MVB12B: variants seen among roughly 807,000 people sequenced by gnomAD.
MVB12B encodes ESCRT-I complex subunit MVB12B.
Under a neutral mutation model 41.6 loss-of-function variants are expected in MVB12B, and 16 were observed. The ratio of observed to expected loss-of-function variants is 0.38; its 90% CI spans 0.26 to 0.58. The LOEUF is 0.58. Among genes scored for constraint, MVB12B ranks in the 20% least tolerant of loss-of-function variants. MVB12B has a pLI of 0.62. For synonymous variants in MVB12B, 133 were observed against 139.7 expected (o/e 0.95, Z 0.34); for missense variants, 274 against 380.2 (o/e 0.72, Z 2.32).
Position 126,412,415 on chromosome 9 carries a change from T to G in MVB12B, c.663-9439T>G, listed in dbSNP as rs567633380. ...CATATTTCTTCTGCTGCCCCCACAA[T>G]CCATTCCTCTCCTTTGTACATGACC... On this transcript the variant is annotated intron_variant, in intron 6 of 9. Transcript: ENST00000361171. Among the ~76,000 whole-genome samples, 42 of 152,244 alleles carry G rather than the reference T, an allele frequency of 2.8e-4. 1 individual carries two copies. Among genetic ancestry groups the G allele is most frequent in the African/African-American group, 9.9e-4 (41 of 41,534 alleles).
At chr9:126,345,695 C>T (rs562450038) in intron 2 of MVB12B, among the ~76,000 whole-genome samples, 1 of 152,344 alleles carries the variant, frequency 6.6e-6, no homozygotes, top group South Asian at 2.1e-4. Flanking sequence ...CTTCCTTCTG[C>T]TCATCCTTTC....
intron 2 of MVB12B, among the ~76,000 whole-genome samples, chr9:126,378,757 C>A (rs1204113170): frequency 6.6e-6 from 1 of 152,128 alleles, no homozygotes; most frequent in Non-Finnish European, 1.5e-5. Context: ...GGTCTTTGGT[C>A]ATCCTTTTTT....
intron 2 of MVB12B, among the ~76,000 whole-genome samples, chr9:126,371,925 A>G (rs1588116005): frequency 6.6e-6 from 1 of 152,324 alleles, no homozygotes; most frequent in East Asian, 1.9e-4. Context: ...AGAGTGTACA[A>G]TCCATTGGTT....
At chr9:126,330,630 T>C (rs1829104069) in intron 1 of MVB12B, among the ~76,000 whole-genome samples, 1 of 152,172 alleles carries the variant, frequency 6.6e-6, no homozygotes, top group African/African-American at 2.4e-5. Context: ...TAACATAAAA[T>C]TGACCATCCT....
intron 7 of MVB12B, among the ~76,000 whole-genome samples, chr9:126,471,107 A>G (rs1349997795): frequency 3.9e-5 from 6 of 152,178 alleles, no homozygotes; most frequent in Non-Finnish European, 5.9e-5. Flanking sequence ...AACTAGTTAG[A>G]AGTGGGGCCT....
chr9:126,412,107 T>C (rs1457375749), intron 6 of MVB12B, among the ~76,000 whole-genome samples: 1 of 152,228 alleles, frequency 6.6e-6, no homozygotes, highest in Non-Finnish European at 1.5e-5. Context: ...TTGACCAGCC[T>C]TGGAGAGCGG....
chr9:126,392,283 T>C lies in MVB12B; in HGVS notation c.539+88T>C, dbSNP rs948926181. On this transcript the variant is annotated intron_variant, in intron 5 of 9. Coordinates refer to ENST00000361171, the MANE Select transcript of MVB12B (RefSeq NM_033446.3). This position sits in a 1 kb window ranked among gnomAD's most constrained non-coding sequence, Gnocchi z 4.8. ...GGCAATGAGGTCCAAGAGATTTCCA[T>C]GCAGCCCCCCAGGCTCTCAGCCATG... is the stretch of plus-strand genomic sequence containing the variant. The C allele has an allele frequency of 1.3e-6, 2 of 1,497,080 alleles. No homozygotes were observed. Among genetic ancestry groups the C allele is most frequent in the African/African-American group, 2.8e-5 (2 of 72,296 alleles). The allele number at this position is 1,497,080 out of a possible 1,614,324, so 92.7% of individuals were successfully genotyped here. A position where few individuals can be genotyped will look rare whatever the true frequency, so the allele number is the denominator to read the frequency against.
chr9:126,364,114 T>C (rs1830099442), intron 2 of MVB12B, among the ~76,000 whole-genome samples: 1 of 152,188 alleles, frequency 6.6e-6, no homozygotes, highest in South Asian at 2.1e-4. Flanking sequence ...GGCCTTCTTG[T>C]GTCTGGGATA....
At chr9:126,356,843 T>C (rs1265283634) in intron 2 of MVB12B, among the ~76,000 whole-genome samples, 1 of 152,054 alleles carries the variant, frequency 6.6e-6, no homozygotes, top group Non-Finnish European at 1.5e-5. Flanking sequence ...CCATGTCACA[T>C]GCCTGCTCCC....
chr9:126,475,935 T>G (rs892234726), intron 7 of MVB12B, among the ~76,000 whole-genome samples: 64 of 152,296 alleles, frequency 4.2e-4, no homozygotes, highest in African/African-American at 1.4e-3. Flanking sequence ...TCGTGAACTC[T>G]CAGACGGTGG....
rs150008427 is a variant in MVB12B at position 126,497,689 on chromosome 9, G to A, written c.874-5488G>A. 3.0e-4 allele frequency among the ~76,000 whole-genome samples: 45 copies of A among 150,650 alleles called. 1 individual carries two copies. Among genetic ancestry groups the A allele is most frequent in the African/African-American group, 1.1e-3 (44 of 40,020 alleles). ...CCCTACCCCCAAGGCCCACCTGCTCGTGAACAGCCTTCCTCCTAGTGAAGC... is the reference window on the plus strand; with the variant it reads ...CCCTACCCCCAAGGCCCACCTGCTCATGAACAGCCTTCCTCCTAGTGAAGC... On this transcript the variant is annotated intron_variant, in intron 9 of 9. Transcript: ENST00000361171.
intron 9 of MVB12B, among the ~76,000 whole-genome samples, chr9:126,495,144 A>G (rs1833803715): frequency 6.6e-6 from 1 of 150,864 alleles, no homozygotes; most frequent in Admixed American, 6.6e-5. Context: ...GTAAGCTGAG[A>G]TCGAGCCACT....
Position 126,376,608 on chromosome 9 carries a change from C to T in MVB12B, c.205-4456C>T, listed in dbSNP as rs995331926. 7.0e-6 allele frequency: 9 copies of T among 1,289,148 alleles called. No homozygotes were observed. The highest frequency in any genetic ancestry group is 3.7e-5 in the South Asian group (3 of 81,012). 79.9% of individuals were successfully genotyped at this position (1,289,148 alleles called of 1,614,324 possible). A position where few individuals can be genotyped will look rare whatever the true frequency, so the allele number is the denominator to read the frequency against. On this transcript the variant is annotated intron_variant, in intron 2 of 9. Transcript: ENST00000361171. This position sits in a 1 kb window ranked among gnomAD's most constrained non-coding sequence, Gnocchi z 4.1. ...CTCAGTGTCCAGTGTTCAGGGGAGGCGGCTGGAAGCAAGAAGGAGGGTAAG... is the reference window on the plus strand; with the variant it reads ...CTCAGTGTCCAGTGTTCAGGGGAGGTGGCTGGAAGCAAGAAGGAGGGTAAG...
chr9:126,400,665 C>A (rs558611352), intron 6 of MVB12B, among the ~76,000 whole-genome samples: 73 of 152,302 alleles, frequency 4.8e-4, no homozygotes, highest in African/African-American at 1.5e-3. Context: ...AAGCCGTCGT[C>A]GATGCTGCTT....
chr9:126,328,726 G>T (rs1829048486), intron 1 of MVB12B, among the ~76,000 whole-genome samples: 1 of 152,168 alleles, frequency 6.6e-6, no homozygotes, highest in Non-Finnish European at 1.5e-5. Flanking sequence ...GTTAACGGAT[G>T]AATGAGAGGA....
At chr9:126,355,161 T>C (rs1006917574) in intron 2 of MVB12B, among the ~76,000 whole-genome samples, 2 of 152,202 alleles carry the variant, frequency 1.3e-5, no homozygotes, top group African/African-American at 4.8e-5. Context: ...TTCTTTTTCC[T>C]TAATATAGGG....
intron 2 of MVB12B, among the ~76,000 whole-genome samples, chr9:126,347,714 A>C (rs1829637554): frequency 6.6e-6 from 1 of 152,258 alleles, no homozygotes; most frequent in Non-Finnish European, 1.5e-5. Flanking sequence ...ATTTTTATAT[A>C]GTGCTCAAGG....
At chr9:126,397,203 G>C (rs894178224) in intron 6 of MVB12B, 1 of 985,390 alleles carries the variant, frequency 1.0e-6, no homozygotes, top group African/African-American at 1.7e-5. Context: ...ATGTGGTCTA[G>C]AAGGGCCCAG....
intron 7 of MVB12B, among the ~76,000 whole-genome samples, chr9:126,457,183 A>G (rs1833000926): frequency 1.3e-5 from 2 of 151,796 alleles, no homozygotes; most frequent in Non-Finnish European, 2.9e-5. Flanking sequence ...CCTTACCCAC[A>G]CTGCGGCCAA....
Sources: allele counts gnomAD v4.1 joint callset (sites outside exome capture counted in the v4.1 genomes callset), GRCh38; gene constraint gnomAD v4.1.1; non-coding constraint Gnocchi (gnomAD v3.1); transcripts MANE v1.5; gene names NCBI Gene and HGNC (gene_info 2026-07-23, HGNC 2026-07-21).